DNAAF9: variants seen among roughly 807,000 people sequenced by gnomAD.
DNAAF9 encodes the protein shulin.
DNAAF9 carries 90 observed loss-of-function variants against 167.0 expected under a neutral mutation model. The observed-to-expected ratio is 0.54, with a 90% CI of 0.45 to 0.64. The LOEUF is 0.64. DNAAF9 is among the 30% of genes least tolerant of loss of function. The pLI is 0.00. For missense variants in DNAAF9, 1,315 were observed against 1,442.2 expected, an observed-to-expected ratio of 0.91 and a Z score of 1.43; for synonymous variants, 491 against 508.8, an observed-to-expected ratio of 0.96 and a Z score of 0.47.
chr20:3,286,032 C>T (rs888305795), intron 27 of DNAAF9, among the ~76,000 whole-genome samples: 1 of 151,874 alleles, frequency 6.6e-6, no homozygotes, highest in Non-Finnish European at 1.5e-5. Context: ...TCAAGGAATA[C>T]AATTCTTAAT....
At chr20:3,291,759 G>A (rs915583215) in intron 25 of DNAAF9, among the ~76,000 whole-genome samples, 3 of 152,290 alleles carry the variant, frequency 2.0e-5, no homozygotes, top group South Asian at 4.1e-4. Flanking sequence ...TCAGCACAGA[G>A]AAGACGGCCG....
chr20:3,404,178 T>C (rs239479), intron 1 of DNAAF9, among the ~76,000 whole-genome samples: 113,199 of 152,074 alleles, frequency 0.74, 42,343 homozygotes, highest in African/African-American at 0.82. Context: ...TACAGGTGCC[T>C]GCCACCATGC....
At chr20:3,369,100 G>C (rs1025673528) in intron 6 of DNAAF9, among the ~76,000 whole-genome samples, 4 of 150,002 alleles carry the variant, frequency 2.7e-5, no homozygotes, top group Admixed American at 2.7e-4. Context: ...TTGCACTCCA[G>C]CCTGGGCAAG....
At chr20:3,307,703 T>C (rs1291318725) in intron 20 of DNAAF9, among the ~76,000 whole-genome samples, 2 of 152,056 alleles carry the variant, frequency 1.3e-5, no homozygotes, top group Non-Finnish European at 2.9e-5. Context: ...GACTGCAGTT[T>C]GGTTGTCTTT....
At chr20:3,372,464 T>C (rs78056728) in intron 6 of DNAAF9, among the ~76,000 whole-genome samples, 3,041 of 152,324 alleles carry the variant, frequency 0.02, 55 homozygotes, top group Non-Finnish European at 0.032. Context: ...TCATGGCCCA[T>C]CCCATTTCCT....
chr20:3,349,653 A>G (rs1414801110), intron 7 of DNAAF9, among the ~76,000 whole-genome samples: 1 of 152,090 alleles, frequency 6.6e-6, no homozygotes, highest in Non-Finnish European at 1.5e-5. Context: ...TACAGCCTCC[A>G]TTCCCCATCC....
chr20:3,295,888 A>T, intron 23 of DNAAF9: 1 of 1,215,938 alleles, frequency 8.2e-7, no homozygotes, highest in Non-Finnish European at 1.2e-6. Context: ...GAGCCCAGCC[A>T]GTGCCGTCAA....
intron 20 of DNAAF9, among the ~76,000 whole-genome samples, chr20:3,306,316 T>G (rs186341858): frequency 1.2e-4 from 18 of 152,332 alleles, no homozygotes; most frequent in Admixed American, 1.1e-3. Flanking sequence ...TATTCGCATT[T>G]TCCCCTATTG....
chr20:3,284,167 T>C (rs1036549478), intron 27 of DNAAF9, among the ~76,000 whole-genome samples: 6 of 145,652 alleles, frequency 4.1e-5, no homozygotes, highest in African/African-American at 1.5e-4. Context: ...CTCAAGTTAC[T>C]AGAGTCTTTT....
At chr20:3,333,290 T>C (rs1166365148) in intron 10 of DNAAF9, among the ~76,000 whole-genome samples, 1 of 152,218 alleles carries the variant, frequency 6.6e-6, no homozygotes, top group Non-Finnish European at 1.5e-5. Context: ...TAGATGTCCT[T>C]TCCTCTTCTG....
In DNAAF9 at chr20:3,279,926, G is replaced by A. The variant is rs138019633; in HGVS notation, c.2613-977C>T. On this transcript the variant is annotated intron_variant, in intron 28 of 36. Transcript: ENST00000252032. ...TAGCTGGCAGTTATTAATGATGTTCGCAACACTGGGGGAGTTTCTCTCCTG... is the reference window on the plus strand; with the variant it reads ...TAGCTGGCAGTTATTAATGATGTTCACAACACTGGGGGAGTTTCTCTCCTG... Among the ~76,000 whole-genome samples, 29 of 152,234 alleles carry A rather than the reference G, an allele frequency of 1.9e-4. No homozygotes were observed. The East Asian group carries it at 4.1e-3, about 21-fold the overall frequency.
intron 20 of DNAAF9, among the ~76,000 whole-genome samples, chr20:3,313,337 GA>G (rs2069446774): frequency 1.3e-5 from 2 of 152,254 alleles, no homozygotes; most frequent in Non-Finnish European, 2.9e-5. Context: ...TATGTGGATA[GA>G]AAACCAGAAC....
intron 1 of DNAAF9, among the ~76,000 whole-genome samples, chr20:3,399,763 A>G (rs928978681): frequency 6.9e-6 from 1 of 144,496 alleles, no homozygotes. Flanking sequence ...ACCACCTGCT[A>G]AAAGACAGCA....
chr20:3,406,275 T>G (rs2084053601), intron 1 of DNAAF9, among the ~76,000 whole-genome samples: 1 of 152,094 alleles, frequency 6.6e-6, no homozygotes. Context: ...GCAAGCAAAG[T>G]TAAAACATAT....
At chr20:3,263,716 T>C (rs950868228) in intron 31 of DNAAF9, among the ~76,000 whole-genome samples, 2 of 152,220 alleles carry the variant, frequency 1.3e-5, no homozygotes, top group Admixed American at 1.3e-4. Context: ...GGAAATGTTC[T>C]AGATCTGCAC....
chr20:3,353,302 G>T (rs975841653), intron 7 of DNAAF9, among the ~76,000 whole-genome samples: 9 of 151,852 alleles, frequency 5.9e-5, no homozygotes, highest in African/African-American at 2.2e-4. Context: ...ACTTGGCTCT[G>T]TCCAACCTCT....
chr20:3,271,854 C>T (rs867799149), intron 29 of DNAAF9, among the ~76,000 whole-genome samples: 5 of 151,978 alleles, frequency 3.3e-5, no homozygotes, highest in Admixed American at 6.6e-5. Context: ...CTCCCGACCT[C>T]GTGATCTGCC....
chr20:3,384,676 A>AT (rs1411258436), intron 1 of DNAAF9, among the ~76,000 whole-genome samples: 12 of 151,620 alleles, frequency 7.9e-5, no homozygotes, highest in Non-Finnish European at 1.8e-4. Context: ...ACCTGGGAAA[A>AT]TTTTTTTTAA....
At chr20:3,382,357 A>C in intron 2 of DNAAF9, 70 bp downstream of exon 2, 1 of 1,119,658 alleles carries the variant, frequency 8.9e-7, no homozygotes, top group Non-Finnish European at 1.4e-6. Context: ...TACTATTACT[A>C]ATACCTTCCT....
Sources: gnomAD v4.1 joint callset for allele counts (sites outside exome capture counted in the v4.1 genomes callset) on GRCh38, gnomAD v4.1.1 for gene constraint, MANE v1.5 for transcripts, NCBI Gene and HGNC (gene_info 2026-07-23, HGNC 2026-07-21) for gene names.